The following PDZD7 variants were observed in gnomAD, a reference collection of about 807,000 sequenced individuals.
PDZD7 encodes the protein PDZ domain containing 7, also known as PDZ domain-containing protein 7.
In PDZD7, 72 loss-of-function variants were observed where a neutral mutation model predicts 84.7. The ratio of observed to expected loss-of-function variants is 0.85; its 90% confidence interval spans 0.70 to 1.03. The LOEUF (loss-of-function observed/expected upper bound fraction) is 1.03. Ranked by LOEUF, PDZD7 falls within the 50% of genes least tolerant of loss-of-function variation. The pLI is 0.00. For missense variants in PDZD7, 1,490 were observed against 1,412.9 expected, an observed-to-expected ratio of 1.05 and a Z score of -0.87; for synonymous variants, 594 against 580.7, an observed-to-expected ratio of 1.02 and a Z score of -0.33.
In PDZD7 at chr10:101,007,763, A is replaced by ATAT. The variant is rs985523361; in HGVS notation, c.*701_*703dup. 62 of 588,638 alleles carry ATAT rather than the reference A, an allele frequency of 1.1e-4. No individual in the cohort carries two copies. The highest frequency in any genetic ancestry group is 1.2e-4 in the Non-Finnish European group (56 of 460,500). The allele number at this position is 588,638 out of a possible 1,614,324, so 36.5% of individuals were successfully genotyped here. A position where few individuals can be genotyped will look rare whatever the true frequency, so the allele number is the denominator to read the frequency against. ...GGTTTATGGCCTCGTTTTCACTTGTATATTTTTCACACTGTAAATTTCTTG... is the reference window on the plus strand; with the variant it reads ...GGTTTATGGCCTCGTTTTCACTTGTATATTATTTTTCACACTGTAAATTTCTTG... On this transcript the variant is annotated 3_prime_UTR_variant, in exon 17 of 17. Coordinates refer to ENST00000619208, the MANE Select transcript of PDZD7 (RefSeq NM_001195263.2).
intron 9 of PDZD7, among the ~76,000 whole-genome samples, chr10:101,016,645 G>T (rs184508993): frequency 5.1e-4 from 77 of 152,372 alleles, no homozygotes; most frequent in African/African-American, 1.8e-3. Context: ...TCAAAACAGG[G>T]TGCAGTCTGA....
chr10:101,012,567 A>C (rs899808757), intron 11 of PDZD7, among the ~76,000 whole-genome samples: 5 of 135,864 alleles, frequency 3.7e-5, no homozygotes, highest in Admixed American at 7.7e-5. Flanking sequence ...GGCATTAATT[A>C]TTCCCGTTTT....
rs771080391 is a variant in PDZD7 at position 101,010,907 on chromosome 10, C to T, written c.2006-24G>A. 5 of 1,533,640 alleles carry T rather than the reference C, an allele frequency of 3.3e-6. No homozygotes were observed. In the South Asian group the frequency reaches 4.8e-5, roughly 15 times the overall value. Reference sequence around the variant, plus strand: ...GTCTGGGGAAGAGCGCCAAGGTCAGCTGCCCACTCCTCCCCTCTCCAGGAC... The same window carrying T: ...GTCTGGGGAAGAGCGCCAAGGTCAGTTGCCCACTCCTCCCCTCTCCAGGAC... On this transcript the variant is annotated intron_variant, in intron 14 of 16. Coordinates refer to ENST00000619208, the MANE Select transcript of PDZD7 (RefSeq NM_001195263.2).
At chr10:101,011,185 G>T in intron 14 of PDZD7, 1 of 696,054 alleles carries the variant, frequency 1.4e-6, no homozygotes, top group Non-Finnish European at 2.1e-6. Flanking sequence ...GGGATTACAG[G>T]CGTGCACCAA....
At chr10:101,024,763 C>T (rs1937605622) in intron 2 of PDZD7, among the ~76,000 whole-genome samples, 1 of 148,328 alleles carries the variant, frequency 6.7e-6, no homozygotes, top group Admixed American at 6.7e-5. Context: ...GAGTGAGACC[C>T]CTGTCTCAAA....
chr10:101,011,318 G>GT, intron 14 of PDZD7: 2 of 411,164 alleles, frequency 4.9e-6, no homozygotes, highest in Non-Finnish European at 3.9e-6. Flanking sequence ...TGGGATTACA[G>GT]GCGTGAGCCA....
chr10:101,011,365 G>T, intron 14 of PDZD7: 1 of 523,938 alleles, frequency 1.9e-6, no homozygotes, highest in Non-Finnish European at 2.9e-6. Flanking sequence ...AATGCTTCCT[G>T]CTGGAATCGT....
At chr10:101,017,660 C>T (rs1387014262) in intron 9 of PDZD7, 4 of 697,664 alleles carry the variant, frequency 5.7e-6, no homozygotes, top group African/African-American at 3.5e-5. Flanking sequence ...GTGATGCACA[C>T]GTGTCATGCC....
In PDZD7 at chr10:101,018,090, A is replaced by G. The variant is rs2134047242; in HGVS notation, c.1522+9T>C. ...CTTTGCCTTCCTGTTTGATCAGCCC[A>G]CTACTTACCTTTCTCTATGTCCAGG... On this transcript the variant is annotated intron_variant, in intron 9 of 16. Transcript: ENST00000619208. 6.2e-7 allele frequency: 1 copy of G among 1,614,106 alleles called. No homozygotes were observed. The highest frequency in any genetic ancestry group is 1.1e-5 in the South Asian group (1 of 91,080).
At chr10:101,013,331 T>A (rs1490218979) in intron 11 of PDZD7, among the ~76,000 whole-genome samples, 1 of 152,164 alleles carries the variant, frequency 6.6e-6, no homozygotes, top group African/African-American at 2.4e-5. Flanking sequence ...GGCACAATGA[T>A]CCTGTCTCAG....
intron 2 of PDZD7, among the ~76,000 whole-genome samples, chr10:101,024,345 G>C (rs111284601): frequency 0.01 from 1,536 of 152,278 alleles, 25 homozygotes; most frequent in South Asian, 0.073. Context: ...CTGGGCTCAA[G>C]TAACCCTCCT....
intron 11 of PDZD7, among the ~76,000 whole-genome samples, chr10:101,015,091 A>G (rs1280398759): frequency 6.6e-6 from 1 of 152,212 alleles, no homozygotes; most frequent in Admixed American, 6.5e-5. Flanking sequence ...GGAAGAGAAC[A>G]GAGAACGACA....
intron 9 of PDZD7, among the ~76,000 whole-genome samples, chr10:101,016,719 T>C (rs1243836724): frequency 2.0e-5 from 3 of 152,134 alleles, no homozygotes; most frequent in Non-Finnish European, 4.4e-5. Flanking sequence ...GGGACAGAGC[T>C]TGGAGAAGTA....
At chr10:101,013,981 C>T (rs1852494545) in intron 11 of PDZD7, among the ~76,000 whole-genome samples, 1 of 151,048 alleles carries the variant, frequency 6.6e-6, no homozygotes, top group Non-Finnish European at 1.5e-5. Context: ...TACCGAGTAG[C>T]TGGGATTACA....
At chr10:101,013,873 G>A (rs1177034150) in intron 11 of PDZD7, among the ~76,000 whole-genome samples, 1 of 137,044 alleles carries the variant, frequency 7.3e-6, no homozygotes, top group Non-Finnish European at 1.6e-5. Flanking sequence ...TTTTTGAGAT[G>A]GATTTTCGCT....
Position 101,010,350 on chromosome 10 carries a change from T to C in PDZD7, c.2539A>G (p.Thr847Ala), listed in dbSNP as rs1274190709. The change falls in exon 15 of 17, where the codon ACG becomes GCG. Residue 847 changes from threonine (T) to alanine (A), a missense_variant. By Grantham distance (58) the Thr-to-Ala change is moderately conservative. Coordinates refer to ENST00000619208, the MANE Select transcript of PDZD7 (RefSeq NM_001195263.2). ...TTCTTCATGGCTGCCTCCTTGGCCG[T>C]CCCCTCAGTTCCACTCTCCGAGGGC... Reference protein sequence around the residue: ...QGPSESGTEGTAKEAAMKNPS... With the variant: ...QGPSESGTEGAAKEAAMKNPS... 5 of 1,535,444 alleles carry C rather than the reference T, an allele frequency of 3.3e-6. No homozygotes were observed. The highest frequency in any genetic ancestry group is 4.4e-6 in the Non-Finnish European group (5 of 1,146,296).
intron 10 of PDZD7, among the ~76,000 whole-genome samples, chr10:101,016,032 G>A (rs564840340): frequency 1.5e-4 from 23 of 152,272 alleles, no homozygotes; most frequent in Non-Finnish European, 1.9e-4. Context: ...TCTTAATGGG[G>A]TCTTAGCCCA....
In PDZD7 at chr10:101,011,773, G is replaced by A; in HGVS notation, c.1934-12C>T. ...AGCAGGAGGCCGGACTGGTTGGAGAGATGAACAGGTCAGCGGCAAGGTACC... is the reference window on the plus strand; with the variant it reads ...AGCAGGAGGCCGGACTGGTTGGAGAAATGAACAGGTCAGCGGCAAGGTACC... On this transcript the variant is annotated splice_polypyrimidine_tract_variant and intron_variant, in intron 13 of 16. Coordinates refer to ENST00000619208, the MANE Select transcript of PDZD7 (RefSeq NM_001195263.2). 2 of 1,550,236 alleles carry A rather than the reference G, an allele frequency of 1.3e-6. No individual in the cohort carries two copies. The highest frequency in any genetic ancestry group is 1.7e-6 in the Non-Finnish European group (2 of 1,147,002).
Position 101,010,370 on chromosome 10 carries a change from G to T in PDZD7, c.2519C>A (p.Ser840Ter). Residue 840 changes from serine (S) to a stop codon, truncating the protein, a stop_gained, in exon 15 of 17, where the codon TCG (serine) becomes TAG (stop). Coordinates refer to ENST00000619208, the MANE Select transcript of PDZD7 (RefSeq NM_001195263.2). LOFTEE classifies it high-confidence loss of function. ...GGCCGTCCCCTCAGTTCCACTCTCC[G>T]AGGGCCCTTGCTTGGCCCCCACCTT... ...AAKVGAKQGP[S>*]ESGTEGTAKE... is the part of the protein sequence containing the mutation. The T allele has an allele frequency of 6.5e-7, 1 of 1,536,134 alleles. No individual in the cohort carries two copies. Among genetic ancestry groups the T allele is most frequent in the Non-Finnish European group, 8.7e-7 (1 of 1,146,906 alleles).
Sources: allele counts gnomAD v4.1 joint callset (sites outside exome capture counted in the v4.1 genomes callset), GRCh38; gene constraint gnomAD v4.1.1; transcripts MANE v1.5; gene names NCBI Gene and HGNC (gene_info 2026-07-23, HGNC 2026-07-21).